Variants in TOP1MT observed in about 807,000 individuals in gnomAD.
TOP1MT encodes the protein DNA topoisomerase I, mitochondrial.
Under a neutral mutation model 73.9 loss-of-function variants are expected in TOP1MT, and 80 were observed. That is an observed-to-expected ratio of 1.08 (90% CI 0.90 to 1.30). The LOEUF (loss-of-function observed/expected upper bound fraction) is 1.30, where lower values mean the gene tolerates loss of function less well. TOP1MT is among the 50% of genes most tolerant of loss of function. TOP1MT has a pLI of 0.00. For missense variants in TOP1MT, 815 were observed against 808.0 expected, an observed-to-expected ratio of 1.01 and a Z score of -0.10; for synonymous variants, 338 against 326.4, an observed-to-expected ratio of 1.04 and a Z score of -0.38.
At chr8:143,334,599 G>C in intron 1 of TOP1MT, 141 bp downstream of exon 1, 2 of 1,216,330 alleles carry the variant, frequency 1.6e-6, no homozygotes, top group South Asian at 3.2e-5. Flanking sequence ...TCACACCGCG[G>C]CACGCATGCT....
At chr8:143,317,874 T>C in intron 9 of TOP1MT, 37 bp from the exon 10 acceptor site, 1 of 1,608,058 alleles carries the variant, frequency 6.2e-7, no homozygotes, top group Non-Finnish European at 8.5e-7. Context: ...TACGTGGTTT[T>C]GCGGGGCCGT....
In TOP1MT at chr8:143,321,354, G is replaced by A. The variant is rs373227367; in HGVS notation, c.993C>T (p.Asp331=). Residue 331 remains aspartate (D), a synonymous_variant, in exon 8 of 14, where the codon GAC becomes GAT. Coordinates refer to ENST00000329245, the MANE Select transcript of TOP1MT (RefSeq NM_052963.3). The stretch of plus-strand genomic sequence containing the variant: ...AGCCCACGGTGTCGGCCGCCTCACC[G>A]TCCTCCTTCTCATTTCCTGCTCTCA... ...LALRAGNEKE[D]GEAADTVGCC... is the part of the protein sequence containing the mutation. 3.1e-6 allele frequency: 5 copies of A among 1,595,430 alleles called. No individual in the cohort carries two copies. The South Asian group carries it at 3.3e-5, about 11-fold the overall frequency.
chr8:143,341,096 C>T lies in TOP1MT; in HGVS notation c.29+2124G>A, dbSNP rs1817071914. ...GCGGCCCCTGCACTCTTCCGCTCCC[C>T]ACAGCTGAGGGTCTCAGGCTTGCCC... On this transcript the variant is annotated intron_variant, in intron 2 of 5. Coordinates refer to the TOP1MT transcript ENST00000518007. The surrounding 1 kb of genome is among the most constrained non-coding windows in gnomAD (Gnocchi z 4.1). Among the ~76,000 whole-genome samples the T allele has an allele frequency of 1.3e-5, 2 of 152,238 alleles. No individual in the cohort carries two copies. Among genetic ancestry groups the T allele is most frequent in the Non-Finnish European group, 2.9e-5 (2 of 68,040 alleles).
At chr8:143,310,931 C>CT (rs1815995445) in intron 12 of TOP1MT, among the ~76,000 whole-genome samples, 1 of 149,796 alleles carries the variant, frequency 6.7e-6, no homozygotes, top group African/African-American at 2.5e-5. Context: ...CACAGTCCTT[C>CT]TGGAAATGCT....
chr8:143,324,558 C>T lies in TOP1MT; in HGVS notation c.743G>A (p.Trp248Ter). The T allele has an allele frequency of 1.2e-6, 2 of 1,613,860 alleles. No homozygotes were observed. Among genetic ancestry groups the T allele is most frequent in the Non-Finnish European group, 1.7e-6 (2 of 1,180,010 alleles). Residue 248 changes from tryptophan (W) to a stop codon, truncating the protein, a stop_gained, in exon 6 of 14, where the codon TGG (tryptophan) becomes TAG (stop). Transcript: ENST00000329245. LOFTEE classifies it high-confidence loss of function. ...AACGCTCTCGGTCCAAGCTGCCAGC[C>T]ACGTGACGGTGTTATCGGAGCGCAC... Reference protein sequence around the residue: ...KEVRSDNTVTWLAAWTESVQN... With the variant: ...KEVRSDNTVT
rs1817080764 is a variant in TOP1MT, at chr8:143,341,535, C to G, written c.29+1685G>C. ...AGAGGAGGAGGGAAGGTTCACCTTC[C>G]CCACCCCAGCAATGGCTGCCCTCCA... is the stretch of plus-strand genomic sequence containing the variant. On this transcript the variant is annotated intron_variant, in intron 2 of 5. Coordinates refer to the TOP1MT transcript ENST00000518007. This position sits in a 1 kb window ranked among gnomAD's most constrained non-coding sequence, Gnocchi z 4.1. Among the ~76,000 whole-genome samples, 1 of 152,246 alleles carries G rather than the reference C, an allele frequency of 6.6e-6. No homozygotes were observed. Among genetic ancestry groups the G allele is most frequent in the Non-Finnish European group, 1.5e-5 (1 of 68,036 alleles).
Position 143,310,088 on chromosome 8 carries a change from G to T in TOP1MT, c.1683C>A (p.Asp561Glu), listed in dbSNP as rs1311881705. ...ALGTSKLNYL[D>E]PRISIAWCKR... ...CGCACCAGGCAATGCTGATCCTGGGGTCCAGGTAGTTGAGCTTGGACGTGC... is the reference window on the plus strand; with the variant it reads ...CGCACCAGGCAATGCTGATCCTGGGTTCCAGGTAGTTGAGCTTGGACGTGC... Residue 561 changes from aspartate (D) to glutamate (E), a missense_variant, in exon 13 of 14, where the codon GAC becomes GAA. Coordinates refer to ENST00000329245, the MANE Select transcript of TOP1MT (RefSeq NM_052963.3). 6.2e-7 allele frequency: 1 copy of T among 1,613,196 alleles called. No homozygotes were observed. Among genetic ancestry groups the T allele is most frequent in the Admixed American group, 1.7e-5 (1 of 60,016 alleles).
intron 7 of TOP1MT, among the ~76,000 whole-genome samples, chr8:143,323,707 CCACACACATGCACGCCA>C (rs1452953073): frequency 2.3e-5 from 2 of 88,476 alleles, no homozygotes; most frequent in African/African-American, 2.9e-5. Context: ...CACAGGCACA[CCACACACATGCACGCCA>C]CACACACATG....
chr8:143,325,246 G>A, intron 5 of TOP1MT, 100 bp downstream of exon 5: 1 of 1,114,478 alleles, frequency 9.0e-7, no homozygotes, highest in South Asian at 1.6e-5. Flanking sequence ...CCAACCACAT[G>A]TTTCTCGGTG....
chr8:143,348,164 C>G (rs184203091), upstream of TOP1MT, among the ~76,000 whole-genome samples: 78 of 152,280 alleles, frequency 5.1e-4, no homozygotes, highest in Non-Finnish European at 9.4e-4. The surrounding 1 kb of genome is among the most constrained non-coding windows in gnomAD (Gnocchi z 4.6). Context: ...ACTGGTAAAC[C>G]CAGGCCCGCC....
At chr8:143,315,540 G>A (rs887814423) in intron 12 of TOP1MT, among the ~76,000 whole-genome samples, 187 bp downstream of exon 12, 12 of 152,136 alleles carry the variant, frequency 7.9e-5, no homozygotes, top group Admixed American at 1.3e-4. Context: ...TCCGCGTCTT[G>A]GTGGTAGTGG....
Position 143,329,261 on chromosome 8 carries a change from C to T in TOP1MT, c.360+89G>A, listed in dbSNP as rs536312146. On this transcript the variant is annotated intron_variant, in intron 3 of 13. Transcript: ENST00000329245. Reference sequence around the variant, plus strand: ...TCACACAGGGGCCACCGAGAACTTGCGAGGGGCGTTCAGAGGCAGCACTGC... The same window carrying T: ...TCACACAGGGGCCACCGAGAACTTGTGAGGGGCGTTCAGAGGCAGCACTGC... 312 of 1,418,720 alleles carry T rather than the reference C, an allele frequency of 2.2e-4. 1 individual carries two copies. The African/African-American group carries it at 3.8e-3, about 17-fold the overall frequency. The allele number at this position is 1,418,720 out of a possible 1,614,324, so 87.9% of individuals were successfully genotyped here. A position where few individuals can be genotyped will look rare whatever the true frequency, so the allele number is the denominator to read the frequency against.
At position 143,309,483 on chromosome 8, in the gene TOP1MT, GA is replaced by G; in HGVS notation, c.1763del (p.Phe588SerfsTer20). On this transcript the variant is annotated frameshift_variant, in exon 14 of 14. Transcript: ENST00000329245. LOFTEE classifies it high-confidence loss of function. Reference protein sequence around the residue: ...KIYSKTQRERFAWALAMAGED... With the variant: ...KIYSKTQRERXAWALAMAGED... Reference sequence around the variant, plus strand: ...CTCCTGCCATGGCGAGAGCCCAGGCGAACCTCTCCCGCTGTGTTTTGCTGTA... The same window carrying G: ...CTCCTGCCATGGCGAGAGCCCAGGCGACCTCTCCCGCTGTGTTTTGCTGTA... The G allele has an allele frequency of 1.2e-6, 2 of 1,613,954 alleles. No individual in the cohort carries two copies.
chr8:143,347,695 GCCAGCCAGCCAGCCAGCCAGCCAGCCAGC>G (rs1563773700), upstream of TOP1MT, among the ~76,000 whole-genome samples: 306 of 34,722 alleles, frequency 8.8e-3, 1 homozygote, highest in African/African-American at 0.012. Flanking sequence ...CAGGCAGCCA[GCCAGCCAGCCAGCCAGCCAGCCAGCCAGC>G]CAGCCAGCGG....
chr8:143,321,662 ACACGCACGCCACACACGCACGCCACG>A (rs1816383696), intron 7 of TOP1MT, among the ~76,000 whole-genome samples: 2 of 91,134 alleles, frequency 2.2e-5, no homozygotes, highest in South Asian at 3.6e-4. Flanking sequence ...CACGCCACAC[ACACGCACGCCACACACGCACGCCACG>A]CACGCACGCC....
chr8:143,310,100 G>A lies in TOP1MT; in HGVS notation c.1671C>T (p.Leu557=). The change falls in exon 13 of 14, where the codon CTC becomes CTT. Residue 557 remains leucine (L), a synonymous_variant. Coordinates refer to ENST00000329245, the MANE Select transcript of TOP1MT (RefSeq NM_052963.3). ...NKQVALGTSK[L]NYLDPRISIA... is the part of the protein sequence containing the mutation. ...TGCTGATCCTGGGGTCCAGGTAGTT[G>A]AGCTTGGACGTGCCCAGGGCCACCT... 1 of 1,613,470 alleles carries A rather than the reference G, an allele frequency of 6.2e-7. No homozygotes were observed. The highest frequency in any genetic ancestry group is 8.5e-7 in the Non-Finnish European group (1 of 1,179,990).
At chr8:143,332,257 G>A (rs1326631900) in intron 1 of TOP1MT, among the ~76,000 whole-genome samples, 1 of 152,232 alleles carries the variant, frequency 6.6e-6, no homozygotes, top group African/African-American at 2.4e-5. Flanking sequence ...GATGGGCCTG[G>A]GAGAAGAGGA....
chr8:143,354,905 A>C (rs1397902726), intron 1 of TOP1MT, among the ~76,000 whole-genome samples: 1 of 152,172 alleles, frequency 6.6e-6, no homozygotes, highest in African/African-American at 2.4e-5. Context: ...AAACAGAACA[A>C]AAAGAAAAGA....
Position 143,315,423 on chromosome 8 carries a change from C to T in TOP1MT, c.1553+304G>A, listed in dbSNP as rs368302389. 4.3e-4 allele frequency among the ~76,000 whole-genome samples: 65 copies of T among 152,310 alleles called. 2 individuals carry two copies. The highest frequency in any genetic ancestry group is 1.5e-3 in the African/African-American group (61 of 41,564). The stretch of plus-strand genomic sequence containing the variant: ...CCGTGTCCAGTGGACATGTGACCCA[C>T]GTGATCTCACCTATCACTGGAGATG... On this transcript the variant is annotated intron_variant, in intron 12 of 13. Coordinates refer to ENST00000329245, the MANE Select transcript of TOP1MT (RefSeq NM_052963.3).
Sources: gnomAD v4.1 joint callset for allele counts (sites outside exome capture counted in the v4.1 genomes callset) on GRCh38, gnomAD v4.1.1 for gene constraint, Gnocchi (gnomAD v3.1) non-coding constraint, MANE v1.5 for transcripts, NCBI Gene and HGNC (gene_info 2026-07-23, HGNC 2026-07-21) for gene names.